KRT17: variants seen among roughly 807,000 people sequenced by gnomAD.
KRT17 encodes keratin, type I cytoskeletal 17.
In KRT17, 29 loss-of-function variants were observed where a neutral mutation model predicts 45.6. The ratio of observed to expected loss-of-function variants is 0.64; its 90% CI spans 0.47 to 0.87. The LOEUF (loss-of-function observed/expected upper bound fraction) is 0.87. Ranked by LOEUF, KRT17 falls within the 40% of genes least tolerant of loss-of-function variation. The pLI, the probability that KRT17 is intolerant of heterozygous loss-of-function variation, is 0.00. For synonymous variants in KRT17, 219 were observed against 234.6 expected (o/e 0.93, Z 0.61); for missense variants, 536 against 577.8 (o/e 0.93, Z 0.74).
In KRT17 at chr17:41,622,526, A is replaced by G. The variant is rs1347497161; in HGVS notation, c.516-15T>C. 3.1e-6 allele frequency: 5 copies of G among 1,612,824 alleles called. No homozygotes were observed. Among genetic ancestry groups the G allele is most frequent in the Non-Finnish European group, 3.4e-6 (4 of 1,180,000 alleles). On this transcript the variant is annotated splice_polypyrimidine_tract_variant and intron_variant, in intron 2 of 7. Coordinates refer to ENST00000311208, the MANE Select transcript of KRT17 (RefSeq NM_000422.3). ...CTGTCTCAAACCTGCCGTGGGAATC[A>G]GAGACTTCAGCCCAGGCTGCTTGGA...
At chr17:41,623,498 C>A (rs1003839720) in intron 1 of KRT17, among the ~76,000 whole-genome samples, 1 of 152,176 alleles carries the variant, frequency 6.6e-6, no homozygotes, top group African/African-American at 2.4e-5. Context: ...ATCCCTAACC[C>A]TGGGCGCCAG....
chr17:41,619,824 C>A, intron 7 of KRT17, 136 bp from the exon 8 acceptor site: 2 of 1,546,110 alleles, frequency 1.3e-6, no homozygotes, highest in Non-Finnish European at 1.7e-6. Flanking sequence ...GGCACCTCGA[C>A]ATCACACTGC....
At position 41,622,931 on chromosome 17, in the gene KRT17, G is replaced by A. The variant is rs565370990; in HGVS notation, c.515+19C>T. The A allele has an allele frequency of 9.5e-5, 153 of 1,606,380 alleles. No homozygotes were observed. Among genetic ancestry groups the A allele is most frequent in the Non-Finnish European group, 1.3e-4 (147 of 1,174,538 alleles). ...CCGCCAGCTGGCCCAGGCTGCCCAAGGCCACAGCTAGGACTCACTTGGTGC... is the reference window on the plus strand; with the variant it reads ...CCGCCAGCTGGCCCAGGCTGCCCAAAGCCACAGCTAGGACTCACTTGGTGC... On this transcript the variant is annotated intron_variant, in intron 2 of 7. Transcript: ENST00000311208.
At position 41,622,364 on chromosome 17, in the gene KRT17, G is replaced by T. The variant is rs1236419899; in HGVS notation, c.663C>A (p.Asn221Lys). 6.2e-7 allele frequency: 1 copy of T among 1,613,466 alleles called. No homozygotes were observed. The highest frequency in any genetic ancestry group is 1.1e-5 in the South Asian group (1 of 91,052). The change falls in exon 3 of 8, where the codon AAC becomes AAA. Residue 221 changes from asparagine (N) to lysine (K), a missense_variant. Transcript: ENST00000311208. ...GCCCCAGCCACCTCACCTCCTCGTG[G>T]TTCTTCTTCAGGTAGGCCAGCTCCT... ...LKEELAYLKK[N>K]HEEEMNALRG...
intron 4 of KRT17, among the ~76,000 whole-genome samples, chr17:41,621,317 T>C (rs1908534771): frequency 6.6e-6 from 1 of 152,252 alleles, no homozygotes; most frequent in African/African-American, 2.4e-5. Context: ...GCCTGGCTCT[T>C]GATGCTAGTT....
At chr17:41,620,087 A>G in intron 7 of KRT17, 7 of 985,254 alleles carry the variant, frequency 7.1e-6, no homozygotes, top group Non-Finnish European at 8.4e-6. Context: ...CCTCCATTAG[A>G]CTAGGAACCC....
rs772680772 is a variant in KRT17, at chr17:41,620,663, C to T, written c.1177G>A (p.Ala393Thr). 7 of 1,612,004 alleles carry T rather than the reference C, an allele frequency of 4.3e-6. No homozygotes were observed. The African/African-American group carries it at 5.3e-5, about 12-fold the overall frequency. Residue 393 changes from alanine to threonine, a missense_variant, in exon 6 of 8, where the codon GCC (alanine) becomes ACC (threonine). By Grantham distance (58) the Ala-to-Thr change is moderately conservative. Transcript: ENST00000311208. ...ACCCCAGGCGCCCCCACTCACTGGG[C>T]ATCCTCTCCCTCCAGCAGGCGGCGG... is the stretch of plus-strand genomic sequence containing the variant. ...TYRRLLEGED[A>T]HLTQYKKEPV...
chr17:41,624,349 C>A lies in KRT17; in HGVS notation c.161G>T (p.Gly54Val), dbSNP rs570711033. 305 of 1,611,554 alleles carry A rather than the reference C, an allele frequency of 1.9e-4. 2 individuals are homozygous for A. In the South Asian group the frequency reaches 3.3e-3, roughly 17 times the overall value. The change falls in exon 1 of 8, where the codon GGT (glycine) becomes GTT (valine). Residue 54 changes from glycine to valine, a missense_variant. Gly to Val is a moderately radical substitution (Grantham distance 109). Transcript: ENST00000311208. Reference protein sequence around the residue: ...SAGGLGSTLGGSSYSSCYSFG... With the variant: ...SAGGLGSTLGVSSYSSCYSFG... The stretch of plus-strand genomic sequence containing the variant: ...GCTGTAGCAGCTGGAGTAGCTGCTA[C>A]CCCCGAGGGTGCTGCCCAGGCCGCC...
intron 7 of KRT17, 78 bp from the exon 8 acceptor site, chr17:41,619,766 G>A: frequency 6.2e-7 from 1 of 1,606,430 alleles, no homozygotes; most frequent in Non-Finnish European, 8.5e-7. Context: ...ATGGACAGGA[G>A]CCGGCTCTCT....
rs1176808154 is a variant in KRT17, at chr17:41,619,619, T to C, written c.1274A>G (p.Glu425Gly). 1.2e-6 allele frequency: 2 copies of C among 1,612,136 alleles called. No homozygotes were observed. The highest frequency in any genetic ancestry group is 2.7e-5 in the African/African-American group (2 of 74,950). ...TCAGCGGGTGGTCTGGTGGACCTGC[T>C]CGCGGGAGGAGATGACCTTGCCATC... ...VQDGKVISSR[E>G]QVHQTTR Residue 425 changes from glutamate to glycine, a missense_variant, in exon 8 of 8, where the codon GAG becomes GGG. Physicochemically the swap from Glu to Gly is moderately conservative, Grantham distance 98. Transcript: ENST00000311208.
chr17:41,621,962 C>T (rs1908558043), intron 3 of KRT17: 2 of 638,018 alleles, frequency 3.1e-6, no homozygotes, highest in African/African-American at 3.7e-5. Context: ...ACCAAGGACT[C>T]TCCAAAATAA....
In KRT17 at chr17:41,622,496, C is replaced by T. The variant is rs1413766263; in HGVS notation, c.531G>A (p.Gln177=). ...DDFRTKFETE[Q]ALRLSVEADI... ...CGGCCTCCACACTCAGGCGCAGGGCCTGCTCTGTCTCAAACCTGCCGTGGG... is the reference window on the plus strand; with the variant it reads ...CGGCCTCCACACTCAGGCGCAGGGCTTGCTCTGTCTCAAACCTGCCGTGGG... The change falls in exon 3 of 8, where the codon CAG becomes CAA. Residue 177 remains glutamine (Q), a synonymous_variant. Transcript: ENST00000311208. The T allele has an allele frequency of 2.5e-6, 4 of 1,613,378 alleles. No homozygotes were observed. The highest frequency in any genetic ancestry group is 3.4e-6 in the Non-Finnish European group (4 of 1,180,050).
intron 3 of KRT17, 94 bp downstream of exon 3, chr17:41,622,261 C>T: frequency 6.6e-7 from 1 of 1,519,682 alleles, no homozygotes; most frequent in South Asian, 1.1e-5. Flanking sequence ...GGTGCACCTG[C>T]TCTGCTCTCT....
rs71373433 is a variant in KRT17, at chr17:41,624,551, A to G, written c.-42T>C. ...GGCAGGCACACAGGAGAAGGGCTGG[A>G]GAGGAGAGGGGCCCCAAGTTGTGTA... On this transcript the variant is annotated 5_prime_UTR_variant, in exon 1 of 8. Transcript: ENST00000311208. The G allele has an allele frequency of 0.12, 185,840 of 1,583,186 alleles. 14,346 individuals carry two copies. The highest frequency in any genetic ancestry group is 0.37 in the African/African-American group (27,302 of 73,942).
In KRT17 at chr17:41,624,249, G is replaced by T; in HGVS notation, c.261C>A (p.Thr87=). The change falls in exon 1 of 8, where the codon ACC becomes ACA. Residue 87 remains threonine (T), a synonymous_variant. Transcript: ENST00000311208. ...CCAGGCGGTCATTGAGGTTCTGCATGGTGGCCTTCTCACCTCCAGCCAGCA... is the reference window on the plus strand; with the variant it reads ...CCAGGCGGTCATTGAGGTTCTGCATTGTGGCCTTCTCACCTCCAGCCAGCA... ...DGLLAGGEKA[T]MQNLNDRLAS... is the part of the protein sequence containing the mutation. The T allele has an allele frequency of 6.2e-7, 1 of 1,612,640 alleles. No individual in the cohort carries two copies. The highest frequency in any genetic ancestry group is 1.1e-5 in the South Asian group (1 of 91,020).
chr17:41,624,313 C>T lies in KRT17; in HGVS notation c.197G>A (p.Gly66Asp). Reference protein sequence around the residue: ...SYSSCYSFGSGGGYGSSFGGV... With the variant: ...SYSSCYSFGSDGGYGSSFGGV... The stretch of plus-strand genomic sequence containing the variant: ...CCCAAAGCTGCTGCCATAGCCACCA[C>T]CAGAGCCAAAGCTGTAGCAGCTGGA... Residue 66 changes from glycine (G) to aspartate (D), a missense_variant, in exon 1 of 8, where the codon GGT (glycine) becomes GAT (aspartate). Gly to Asp is a moderately conservative substitution (Grantham distance 94, BLOSUM62 -1). Transcript: ENST00000311208. 2 of 1,612,180 alleles carry T rather than the reference C, an allele frequency of 1.2e-6. No homozygotes were observed. The highest frequency in any genetic ancestry group is 1.1e-5 in the South Asian group (1 of 90,990).
Position 41,621,710 on chromosome 17 carries a change from CA to C in KRT17, c.716del (p.Val239GlyfsTer11), listed in dbSNP as rs748709880. The C allele has an allele frequency of 1.9e-6, 3 of 1,612,084 alleles. No individual in the cohort carries two copies. In the African/African-American group the frequency reaches 4.0e-5, roughly 22 times the overall value. On this transcript the variant is annotated frameshift_variant, in exon 4 of 8. Coordinates refer to ENST00000311208, the MANE Select transcript of KRT17 (RefSeq NM_000422.3). LOFTEE classifies it high-confidence loss of function. ...LRGQVGGEINVEMDAAPGVDL... is the reference protein window; with the variant it reads ...LRGQVGGEINXEMDAAPGVDL... ...CCACGCCTGGGGCAGCGTCCATCTC[CA>C]CATTGATCTCACCACCCACCTGGCC...
In KRT17 at chr17:41,624,407, G is replaced by A; in HGVS notation, c.103C>T (p.Leu35=). 1 of 1,610,460 alleles carries A rather than the reference G, an allele frequency of 6.2e-7. No individual in the cohort carries two copies. The highest frequency in any genetic ancestry group is 8.5e-7 in the Non-Finnish European group (1 of 1,179,542). The change falls in exon 1 of 8, where the codon CTG becomes TTG. Residue 35 remains leucine (L), a synonymous_variant. Coordinates refer to ENST00000311208, the MANE Select transcript of KRT17 (RefSeq NM_000422.3). ...CCCAGCCTGCAGGAGCCGGCACCCAGGCCGCCAGACAGCCGGCAGGAGGTG... is the reference window on the plus strand; with the variant it reads ...CCCAGCCTGCAGGAGCCGGCACCCAAGCCGCCAGACAGCCGGCAGGAGGTG... ...SRTSCRLSGG[L]GAGSCRLGSA...
chr17:41,622,831 C>G (rs1486639839), intron 2 of KRT17, 119 bp downstream of exon 2: 1 of 892,246 alleles, frequency 1.1e-6, no homozygotes, highest in African/African-American at 1.6e-5. Context: ...CCTAGGACTG[C>G]CCCACCCTGA....
Sources: gnomAD v4.1 joint callset for allele counts (sites outside exome capture counted in the v4.1 genomes callset) on GRCh38, gnomAD v4.1.1 for gene constraint, MANE v1.5 for transcripts, NCBI Gene and HGNC (gene_info 2026-07-23, HGNC 2026-07-21) for gene names.